GPRC5B: variants seen among roughly 807,000 people sequenced by gnomAD.
GPRC5B encodes the protein G protein-coupled receptor class C group 5 member B.
Under a neutral mutation model 30.1 loss-of-function variants are expected in GPRC5B, and 16 were observed. The observed-to-expected ratio is 0.53, with a 90% CI of 0.36 to 0.81. The LOEUF is 0.81. GPRC5B is among the 30% of genes least tolerant of loss of function. GPRC5B has a pLI of 0.01. For synonymous variants in GPRC5B, 241 were observed against 239.5 expected (o/e 1.01, Z -0.06); for missense variants, 428 against 544.7 (o/e 0.79, Z 2.13).
chr16:19,876,358 T>C (rs1016290047), intron 1 of GPRC5B, among the ~76,000 whole-genome samples: 6 of 152,216 alleles, frequency 3.9e-5, no homozygotes, highest in African/African-American at 1.4e-4. Context: ...GAGAAAGGAT[T>C]ATCCAGCCCT....
chr16:19,871,281 C>CAA (rs71375667), intron 2 of GPRC5B, among the ~76,000 whole-genome samples: 22,049 of 70,110 alleles, frequency 0.31, 3,278 homozygotes, highest in East Asian at 0.4. Flanking sequence ...GACCCTGTCT[C>CAA]AAAAAAAAAA....
At chr16:19,885,521 AAC>A, upstream of GPRC5B, 1 of 1,121,606 alleles carries the variant, frequency 8.9e-7, no homozygotes, top group Non-Finnish European at 1.1e-6. This position sits in a 1 kb window ranked among gnomAD's most constrained non-coding sequence, Gnocchi z 5.3. Flanking sequence ...GGCCCCTCGA[AAC>A]ACACACGTCC....
intron 2 of GPRC5B, among the ~76,000 whole-genome samples, chr16:19,871,015 G>A (rs922762187): frequency 5.9e-5 from 9 of 151,932 alleles, no homozygotes; most frequent in African/African-American, 2.2e-4. Flanking sequence ...ATCTGAGGCT[G>A]AGCATAGTGG....
At chr16:19,885,051 C>G, upstream of GPRC5B, 1 of 690,906 alleles carries the variant, frequency 1.4e-6, no homozygotes, top group Non-Finnish European at 2.1e-6. The surrounding 1 kb of genome is among the most constrained non-coding windows in gnomAD (Gnocchi z 5.3). Flanking sequence ...GCTTCTAGCC[C>G]GGATCTCAGA....
At chr16:19,878,138 G>A (rs1567211668) in intron 1 of GPRC5B, among the ~76,000 whole-genome samples, 1 of 151,258 alleles carries the variant, frequency 6.6e-6, no homozygotes, top group Non-Finnish European at 1.5e-5. Context: ...GGCGGAGGTT[G>A]CAGTGAGCCG....
rs2056593997 is a variant in GPRC5B, at chr16:19,858,610, C to A, written c.*1890G>T. The A allele has an allele frequency of 5.1e-6, 3 of 582,964 alleles. No individual in the cohort carries two copies. The Admixed American group carries it at 8.2e-5, about 16-fold the overall frequency. The allele number at this position is 582,964 out of a possible 1,614,324, so 36.1% of individuals were successfully genotyped here. On this transcript the variant is annotated 3_prime_UTR_variant, in exon 4 of 4. Transcript: ENST00000300571. The stretch of plus-strand genomic sequence containing the variant: ...ACAGGACCGAGGTGTTTGAAGATTT[C>A]TTTCTTTTCAGAATACCGGGTCCGC...
At position 19,872,381 on chromosome 16, in the gene GPRC5B, C is replaced by T. The variant is rs199539633; in HGVS notation, c.465G>A (p.Thr155=). 5.5e-5 allele frequency: 88 copies of T among 1,613,388 alleles called. No individual in the cohort carries two copies. The highest frequency in any genetic ancestry group is 4.8e-4 in the Admixed American group (29 of 59,984). Residue 155 remains threonine (T), a synonymous_variant, in exon 2 of 4, where the codon ACG becomes ACA. Transcript: ENST00000300571. This position sits in a 1 kb window ranked among gnomAD's most constrained non-coding sequence, Gnocchi z 5.0. The part of the protein sequence containing the change: ...WRVRRLVRHG[T]GPAGWQLVGL... ...CCACCAGCTGCCAGCCCGCGGGGCCCGTGCCATGCCGCACCAGCCTCCGCA... is the reference window on the plus strand; with the variant it reads ...CCACCAGCTGCCAGCCCGCGGGGCCTGTGCCATGCCGCACCAGCCTCCGCA...
rs976411988 is a variant in GPRC5B at position 19,872,910 on chromosome 16, C to G, written c.-1-64G>C. The G allele has an allele frequency of 9.3e-6, 11 of 1,180,582 alleles. No homozygotes were observed. The East Asian group carries it at 2.6e-4, about 28-fold the overall frequency. The allele number at this position is 1,180,582 out of a possible 1,614,324, so 73.1% of individuals were successfully genotyped here. On this transcript the variant is annotated intron_variant, in intron 1 of 3. Transcript: ENST00000300571. The surrounding 1 kb of genome is among the most constrained non-coding windows in gnomAD (Gnocchi z 5.0). ...AGATGAATTCATTGGAAGACTCCCC[C>G]TCTCCTGACTTCTTGAAGAAGACTC...
intron 2 of GPRC5B, among the ~76,000 whole-genome samples, chr16:19,866,188 A>G (rs2056665579): frequency 6.6e-6 from 1 of 152,060 alleles, no homozygotes. Context: ...CGGCCTCCCA[A>G]AGTGCTGGGA....
chr16:19,885,502 C>T, upstream of GPRC5B: 1 of 1,129,178 alleles, frequency 8.9e-7, no homozygotes, highest in Non-Finnish European at 1.1e-6. This position sits in a 1 kb window ranked among gnomAD's most constrained non-coding sequence, Gnocchi z 5.3. Flanking sequence ...GACCAACACC[C>T]GCTTCCTTGG....
chr16:19,862,616 A>T (rs1464054787), intron 2 of GPRC5B, among the ~76,000 whole-genome samples: 8 of 152,300 alleles, frequency 5.3e-5, no homozygotes, highest in Non-Finnish European at 1.0e-4. Flanking sequence ...TAACAAACAA[A>T]AAAAAAGGGT....
At chr16:19,873,591 G>A (rs537520642) in intron 1 of GPRC5B, among the ~76,000 whole-genome samples, 11 of 152,106 alleles carry the variant, frequency 7.2e-5, no homozygotes, top group African/African-American at 1.9e-4. Context: ...TCAGCCTCTC[G>A]AGGCTAACAG....
chr16:19,871,881 T>C lies in GPRC5B; in HGVS notation c.965A>G (p.Glu322Gly), dbSNP rs2056722303. The C allele has an allele frequency of 3.7e-6, 6 of 1,614,056 alleles. No individual in the cohort carries two copies. The highest frequency in any genetic ancestry group is 5.1e-6 in the Non-Finnish European group (6 of 1,180,032). The change falls in exon 2 of 4, where the codon GAG becomes GGG. Residue 322 changes from glutamate to glycine, a missense_variant. By Grantham distance (98) the Glu-to-Gly change is moderately conservative. This residue lies in a region of GPRC5B where 213 missense variants were observed against 229.1 expected (regional missense o/e 0.93). Transcript: ENST00000300571. ...QPRMRETAFE[E>G]DVQLPRAYME... ...ATAGGCCCGCGGCAGCTGCACGTCCTCCTCGAAGGCCGTCTCCCGCATCCT... is the reference window on the plus strand; with the variant it reads ...ATAGGCCCGCGGCAGCTGCACGTCCCCCTCGAAGGCCGTCTCCCGCATCCT...
chr16:19,878,287 TG>T (rs927420585), intron 1 of GPRC5B, among the ~76,000 whole-genome samples: 19 of 151,932 alleles, frequency 1.3e-4, no homozygotes, highest in Non-Finnish European at 2.4e-4. Context: ...CTTTGTAGCG[TG>T]TACCTCAATT....
chr16:19,873,464 C>CA (rs1224351499), intron 1 of GPRC5B, among the ~76,000 whole-genome samples: 2,293 of 54,944 alleles, frequency 0.042, 42 homozygotes, highest in African/African-American at 0.1. Context: ...ACTCCGTCTC[C>CA]AAAAAAAAAA....
chr16:19,884,906 C>G (rs2056839025), upstream of GPRC5B: 1 of 969,638 alleles, frequency 1.0e-6, no homozygotes, highest in African/African-American at 1.8e-5. Context: ...GCTGCTGCAG[C>G]GGCCGCGGCC....
In GPRC5B at chr16:19,857,506, A is replaced by C. The variant is rs2056576784; in HGVS notation, c.*2994T>G. The C allele has an allele frequency of 4.8e-6, 2 of 417,102 alleles. No homozygotes were observed. Among genetic ancestry groups the C allele is most frequent in the Non-Finnish European group, 9.2e-6 (2 of 216,226 alleles). The allele number at this position is 417,102 out of a possible 1,614,324, so 25.8% of individuals were successfully genotyped here. On this transcript the variant is annotated 3_prime_UTR_variant, in exon 4 of 4. Coordinates refer to ENST00000300571, the MANE Select transcript of GPRC5B (RefSeq NM_016235.3). ...AAAGGTACATTATAAAACACACATTAATGCATTTAATAAATATATATTATC... is the reference window on the plus strand; with the variant it reads ...AAAGGTACATTATAAAACACACATTCATGCATTTAATAAATATATATTATC...
chr16:19,869,461 C>T (rs143534235), intron 2 of GPRC5B, among the ~76,000 whole-genome samples: 288 of 152,030 alleles, frequency 1.9e-3, no homozygotes, highest in African/African-American at 6.0e-3. Flanking sequence ...TTCAAAGAAC[C>T]GAGAAAGGGC....
chr16:19,861,548 G>A (rs1190228876), intron 3 of GPRC5B, among the ~76,000 whole-genome samples: 2 of 152,064 alleles, frequency 1.3e-5, no homozygotes, highest in Non-Finnish European at 2.9e-5. Context: ...CACCTCCCAG[G>A]GACAGAGTGA....
Sources: gnomAD v4.1 joint callset for allele counts (sites outside exome capture counted in the v4.1 genomes callset) on GRCh38, gnomAD v4.1.1 for gene constraint, gnomAD v4.1.1 regional missense constraint, Gnocchi (gnomAD v3.1) non-coding constraint, MANE v1.5 for transcripts, NCBI Gene and HGNC (gene_info 2026-07-23, HGNC 2026-07-21) for gene names.